The following DCC variants were observed in gnomAD, a reference collection of about 807,000 sequenced individuals.
DCC encodes the protein netrin receptor DCC.
Under a neutral mutation model 172.5 loss-of-function variants are expected in DCC, and 58 were observed. That is an observed-to-expected ratio of 0.34 (90% CI 0.27 to 0.42). DCC has a LOEUF of 0.42. DCC is among the 10% of genes least tolerant of loss of function. The pLI is 1.00. For synonymous variants in DCC, 709 were observed against 644.5 expected, an observed-to-expected ratio of 1.10 and a Z score of -1.52; for missense variants, 1,740 against 1,791.0, an observed-to-expected ratio of 0.97 and a Z score of 0.51.
At chr18:52,655,956 A>ATGTGTGTG (rs58903211) in intron 1 of DCC, among the ~76,000 whole-genome samples, 6 of 135,402 alleles carry the variant, frequency 4.4e-5, no homozygotes, top group African/African-American at 1.4e-4. Flanking sequence ...TTAAATATAT[A>ATGTGTGTG]TGTGTGTGTG....
intron 26 of DCC, among the ~76,000 whole-genome samples, chr18:53,490,274 G>A (rs150132549): frequency 1.5e-3 from 224 of 152,212 alleles, no homozygotes; most frequent in African/African-American, 5.0e-3. Flanking sequence ...ATTGTGTTAC[G>A]TCGTTCTTCT....
At chr18:53,398,892 A>T (rs1909125984) in intron 18 of DCC, among the ~76,000 whole-genome samples, 1 of 152,174 alleles carries the variant, frequency 6.6e-6, no homozygotes, top group Admixed American at 6.5e-5. Context: ...GAGAAGTAAG[A>T]AGTAATTCAC....
At chr18:52,905,574 C>T (rs1162793672) in intron 2 of DCC, among the ~76,000 whole-genome samples, 8 of 152,260 alleles carry the variant, frequency 5.3e-5, no homozygotes, top group East Asian at 3.9e-4. Flanking sequence ...TAGGTCATGC[C>T]GTATGACGAG....
At chr18:52,588,197 G>A (rs1268830766) in intron 1 of DCC, among the ~76,000 whole-genome samples, 2 of 152,138 alleles carry the variant, frequency 1.3e-5, no homozygotes, top group Admixed American at 1.3e-4. Context: ...CAAAATCCTA[G>A]AGGCCTCCTC....
chr18:52,526,504 C>T (rs539195388), intron 1 of DCC, among the ~76,000 whole-genome samples: 2 of 151,810 alleles, frequency 1.3e-5, no homozygotes, highest in South Asian at 2.1e-4. Context: ...ACGAAATGGG[C>T]ACTGATCTAG....
intron 7 of DCC, among the ~76,000 whole-genome samples, chr18:53,117,692 G>T (rs74559156): frequency 4.9e-5 from 3 of 61,800 alleles, no homozygotes; most frequent in Non-Finnish European, 1.5e-4. Flanking sequence ...ACTTTTTTTT[G>T]TAAAGACCAG....
chr18:52,469,392 A>G (rs1988882926), intron 1 of DCC, among the ~76,000 whole-genome samples: 2 of 152,210 alleles, frequency 1.3e-5, no homozygotes, highest in Non-Finnish European at 2.9e-5. Context: ...TTTTCAAGCT[A>G]TCTCCTAATG....
intron 1 of DCC, among the ~76,000 whole-genome samples, chr18:52,545,250 C>G (rs550849583): frequency 7.9e-5 from 12 of 152,164 alleles, no homozygotes; most frequent in Non-Finnish European, 1.5e-4. Flanking sequence ...TGGGGAAGTA[C>G]TGGCCTGGAG....
chr18:52,512,342 A>G (rs1210998744), intron 1 of DCC, among the ~76,000 whole-genome samples: 1 of 152,128 alleles, frequency 6.6e-6, no homozygotes, highest in African/African-American at 2.4e-5. Flanking sequence ...AAATTTGGCC[A>G]TTACTTTATG....
chr18:52,699,510 A>G (rs2036071851), intron 1 of DCC, among the ~76,000 whole-genome samples: 1 of 152,236 alleles, frequency 6.6e-6, no homozygotes, highest in South Asian at 2.1e-4. Context: ...ATCATTACTC[A>G]TCTTCAAGTA....
At chr18:52,868,509 C>T (rs536133010) in intron 2 of DCC, among the ~76,000 whole-genome samples, 48 of 152,336 alleles carry the variant, frequency 3.2e-4, no homozygotes, top group Admixed American at 2.7e-3. Flanking sequence ...AGAAATTTGA[C>T]ATGGCTGACT....
intron 12 of DCC, among the ~76,000 whole-genome samples, chr18:53,258,241 T>C (rs1314220211): frequency 6.6e-6 from 1 of 152,184 alleles, no homozygotes; most frequent in African/African-American, 2.4e-5. Context: ...AGTTATTTCT[T>C]GCCTTCTGCT....
intron 8 of DCC, among the ~76,000 whole-genome samples, chr18:53,159,054 T>C (rs2054794315): frequency 6.6e-6 from 1 of 150,858 alleles, no homozygotes; most frequent in Non-Finnish European, 1.5e-5. Context: ...CTAAGATTAT[T>C]CATTACTGTG....
At chr18:52,811,363 G>C (rs1314095224) in intron 2 of DCC, among the ~76,000 whole-genome samples, 4 of 152,134 alleles carry the variant, frequency 2.6e-5, no homozygotes, top group Non-Finnish European at 4.4e-5. Context: ...TTAACTATGA[G>C]GATGAGCTAA....
intron 7 of DCC, among the ~76,000 whole-genome samples, chr18:53,142,202 C>T (rs574098264): frequency 1.3e-5 from 2 of 152,290 alleles, no homozygotes; most frequent in South Asian, 2.1e-4. Flanking sequence ...CTGACTGGTG[C>T]CAGGTGATAC....
At chr18:53,224,216 T>G (rs1423905870) in intron 12 of DCC, among the ~76,000 whole-genome samples, 1 of 152,112 alleles carries the variant, frequency 6.6e-6, no homozygotes, top group Admixed American at 6.6e-5. Flanking sequence ...GGGAAGGAAC[T>G]CTTAAGGAGA....
chr18:52,417,578 T>C (rs1311269144), intron 1 of DCC, among the ~76,000 whole-genome samples: 1 of 152,164 alleles, frequency 6.6e-6, no homozygotes, highest in African/African-American at 2.4e-5. Context: ...TTTCTTTTTA[T>C]TCTTTTGTCT....
chr18:53,089,241 A>T (rs1252839277), intron 7 of DCC, among the ~76,000 whole-genome samples: 1 of 152,062 alleles, frequency 6.6e-6, no homozygotes, highest in African/African-American at 2.4e-5. Context: ...GCCTGCCACC[A>T]CACCCGGCTA....
intron 12 of DCC, among the ~76,000 whole-genome samples, chr18:53,219,780 T>C (rs924702432): frequency 6.6e-6 from 1 of 152,172 alleles, no homozygotes; most frequent in African/African-American, 2.4e-5. Context: ...AACTCAAGCC[T>C]GAGTTCAGCA....
Sources: allele counts gnomAD v4.1 joint callset (sites outside exome capture counted in the v4.1 genomes callset), GRCh38; gene constraint gnomAD v4.1.1; transcripts MANE v1.5; gene names NCBI Gene and HGNC (gene_info 2026-07-23, HGNC 2026-07-21).